NREP: variants seen among roughly 807,000 people sequenced by gnomAD.
NREP encodes neuronal regeneration related protein, also known as neuronal regeneration-related protein.
In NREP, 5 loss-of-function variants were observed where a neutral mutation model predicts 8.6. The observed-to-expected ratio is 0.58, with a 90% CI of 0.30 to 1.22. NREP has a LOEUF of 1.22. Among genes scored for constraint, NREP ranks in the 50% most tolerant of loss-of-function variants. The probability of loss-of-function intolerance (pLI) is 0.07; values close to 1 mark genes in which losing one functional copy is unlikely to be tolerated. For missense variants in NREP, 86 were observed against 82.5 expected, an observed-to-expected ratio of 1.04 and a Z score of -0.17; for synonymous variants, 27 against 28.0, an observed-to-expected ratio of 0.96 and a Z score of 0.11.
chr5:111,939,704 G>T (rs1434227608), intron 2 of NREP, among the ~76,000 whole-genome samples: 8 of 151,924 alleles, frequency 5.3e-5, no homozygotes, highest in African/African-American at 1.9e-4. Context: ...GAATTTTTGT[G>T]CTTTTTGTTG....
chr5:111,888,343 G>GGT lies in NREP; in HGVS notation c.135+86930_135+86931insAC, dbSNP rs372799199. ...TCACAGTTCCCCATTGCTGGGTGGC[G>GGT]GGGGGGGTCTCAGGAAACTTACAAT... On this transcript the variant is annotated intron_variant, in intron 2 of 3. Coordinates refer to the NREP transcript ENST00000395634. Among the ~76,000 whole-genome samples, 634 of 128,226 alleles carry GGT rather than the reference G, an allele frequency of 4.9e-3. 5 individuals carry two copies. The highest frequency in any genetic ancestry group is 6.9e-3 in the Non-Finnish European group (435 of 63,406). The allele number at this position is 128,226 out of a possible 152,430, so 84.1% of individuals were successfully genotyped here.
At chr5:111,976,676 C>T (rs1756972356) in intron 1 of NREP, 2 of 1,526,916 alleles carry the variant, frequency 1.3e-6, no homozygotes, top group South Asian at 2.4e-5. Flanking sequence ...AATGTCCCCT[C>T]ATATGCATAC....
Position 111,907,306 on chromosome 5 carries a change from T to C in NREP, c.135+67968A>G, listed in dbSNP as rs1754802002. 2.0e-5 allele frequency among the ~76,000 whole-genome samples: 3 copies of C among 152,238 alleles called. No individual in the cohort carries two copies. The South Asian group carries it at 6.2e-4, about 32-fold the overall frequency. ...TTTTCTCCTGTTATACTCTGGTACT[T>C]TTATAGTTTAATATTTTACTTTGGT... On this transcript the variant is annotated intron_variant, in intron 2 of 3. Transcript: ENST00000395634.
chr5:111,893,893 C>A (rs532405731), intron 2 of NREP, among the ~76,000 whole-genome samples: 5 of 151,842 alleles, frequency 3.3e-5, no homozygotes, highest in African/African-American at 1.2e-4. Context: ...CTATGAATTG[C>A]TTTATTTTGT....
At chr5:111,894,845 G>A (rs1042167920) in intron 2 of NREP, among the ~76,000 whole-genome samples, 10 of 152,288 alleles carry the variant, frequency 6.6e-5, no homozygotes, top group Middle Eastern at 6.8e-3. Flanking sequence ...GTGAAGAGTC[G>A]TTACAATATT....
At chr5:111,734,745 G>A (rs777911038) in intron 3 of NREP, 1 of 699,218 alleles carries the variant, frequency 1.4e-6, no homozygotes. Context: ...TTTCTTAACT[G>A]CAAAATCAGC....
At chr5:111,828,525 C>T (rs1752683296) in intron 2 of NREP, among the ~76,000 whole-genome samples, 1 of 152,120 alleles carries the variant, frequency 6.6e-6, no homozygotes, top group African/African-American at 2.4e-5. Flanking sequence ...CAATGTTTAC[C>T]TGCTGTCCCT....
At chr5:111,840,721 T>A (rs1171004323) in intron 2 of NREP, among the ~76,000 whole-genome samples, 1 of 152,050 alleles carries the variant, frequency 6.6e-6, no homozygotes, top group Non-Finnish European at 1.5e-5. Context: ...AATACTAAGA[T>A]GAATCAGACA....
At chr5:111,746,693 T>C (rs1276692926) in intron 2 of NREP, among the ~76,000 whole-genome samples, 1 of 152,116 alleles carries the variant, frequency 6.6e-6, no homozygotes, top group African/African-American at 2.4e-5. Context: ...GTCCCATTAG[T>C]TTGGGCTGGA....
chr5:111,944,915 T>C (rs1210121378), intron 2 of NREP, among the ~76,000 whole-genome samples: 3 of 152,116 alleles, frequency 2.0e-5, no homozygotes, highest in Admixed American at 2.0e-4. Context: ...GTTTTAGTCA[T>C]AGGTGCTTAA....
intron 2 of NREP, among the ~76,000 whole-genome samples, chr5:111,873,331 C>T (rs566802412): frequency 6.6e-6 from 1 of 152,236 alleles, no homozygotes; most frequent in African/African-American, 2.4e-5. Flanking sequence ...CTGAAAACCA[C>T]ACAAACTTAT....
intron 2 of NREP, among the ~76,000 whole-genome samples, chr5:111,919,977 C>T (rs200453090): frequency 0.3 from 20,015 of 67,426 alleles, 1,974 homozygotes; most frequent in Non-Finnish European, 0.37. Flanking sequence ...AAGAATACCC[C>T]CCCCCCCCAC....
intron 2 of NREP, among the ~76,000 whole-genome samples, chr5:111,768,548 A>T (rs1751139675): frequency 6.6e-6 from 1 of 151,928 alleles, no homozygotes; most frequent in South Asian, 2.1e-4. Flanking sequence ...CCTAGTGTCT[A>T]TTTTTGCCAT....
intron 2 of NREP, among the ~76,000 whole-genome samples, chr5:111,936,705 C>A (rs920884367): frequency 2.1e-4 from 32 of 152,048 alleles, no homozygotes; most frequent in African/African-American, 7.7e-4. Context: ...TGACTACAAT[C>A]TCCTTGATTC....
intron 1 of NREP, chr5:111,975,442 C>T: frequency 9.1e-7 from 1 of 1,101,268 alleles, no homozygotes. Flanking sequence ...CAACTCACAG[C>T]TCCAGCAATT....
chr5:111,827,869 A>AG (rs1000119823), intron 2 of NREP, among the ~76,000 whole-genome samples: 11 of 152,180 alleles, frequency 7.2e-5, no homozygotes, highest in South Asian at 4.2e-4. Flanking sequence ...CAAACAAAAA[A>AG]CAACAACAAA....
chr5:111,931,774 T>A lies in NREP; in HGVS notation c.135+43500A>T, dbSNP rs574312124. ...AAGATTGCATCCTAAAACCAGAGAA[T>A]TACAGGTTCCTCCATGGGTCTTCTG... On this transcript the variant is annotated intron_variant, in intron 2 of 3. Coordinates refer to the NREP transcript ENST00000395634. Among the ~76,000 whole-genome samples the A allele has an allele frequency of 3.9e-5, 6 of 152,230 alleles. No individual in the cohort carries two copies. The East Asian group carries it at 1.2e-3, about 30-fold the overall frequency.
chr5:111,854,167 T>C (rs1419413943), intron 2 of NREP, among the ~76,000 whole-genome samples: 1 of 152,114 alleles, frequency 6.6e-6, no homozygotes. Context: ...AAATGTAGTT[T>C]CAAATATAGA....
At position 111,947,933 on chromosome 5, in the gene NREP, C is replaced by G. The variant is rs550156291; in HGVS notation, c.135+27341G>C. Reference sequence around the variant, plus strand: ...CTCTGCCCCATTTACTACCAGTTAGCAAGTTCACACGCTATATTCTACACC... The same window carrying G: ...CTCTGCCCCATTTACTACCAGTTAGGAAGTTCACACGCTATATTCTACACC... On this transcript the variant is annotated intron_variant, in intron 2 of 3. Coordinates refer to the NREP transcript ENST00000395634. 5.3e-5 allele frequency among the ~76,000 whole-genome samples: 8 copies of G among 152,134 alleles called. No individual in the cohort carries two copies. The South Asian group carries it at 1.7e-3, about 32-fold the overall frequency.
Sources: allele counts gnomAD v4.1 joint callset (sites outside exome capture counted in the v4.1 genomes callset), GRCh38; gene constraint gnomAD v4.1.1; transcripts MANE v1.5; gene names NCBI Gene and HGNC (gene_info 2026-07-23, HGNC 2026-07-21).